GUCY1B1: variants seen among roughly 807,000 people sequenced by gnomAD.
GUCY1B1 encodes guanylate cyclase soluble subunit beta-1.
GUCY1B1 carries 43 observed loss-of-function variants against 71.0 expected under a neutral mutation model. That is an observed-to-expected ratio of 0.61 (90% CI 0.47 to 0.78). The LOEUF (loss-of-function observed/expected upper bound fraction) is 0.78. GUCY1B1 is among the 30% of genes least tolerant of loss of function. The pLI is 0.00. For synonymous variants in GUCY1B1, 266 were observed against 259.7 expected (o/e 1.02, Z -0.23); for missense variants, 535 against 754.1 (o/e 0.71, Z 3.40).
At chr4:155,765,416 G>A (rs1018984139) in intron 2 of GUCY1B1, among the ~76,000 whole-genome samples, 5 of 152,092 alleles carry the variant, frequency 3.3e-5, no homozygotes, top group African/African-American at 1.2e-4. Flanking sequence ...TCTCTCCTTT[G>A]CCTCCTTGTT....
At chr4:155,765,343 A>T (rs1438850275) in intron 2 of GUCY1B1, among the ~76,000 whole-genome samples, 11 of 152,194 alleles carry the variant, frequency 7.2e-5, no homozygotes, top group Admixed American at 7.2e-4. Context: ...GCTATAAAGA[A>T]ATCTAACTGG....
chr4:155,783,720 A>G (rs1738585256), intron 4 of GUCY1B1, among the ~76,000 whole-genome samples: 2 of 152,176 alleles, frequency 1.3e-5, no homozygotes, highest in Non-Finnish European at 2.9e-5. Context: ...GTTTGTGCAA[A>G]GGGTTATTTT....
chr4:155,781,878 A>G (rs1738441929), intron 4 of GUCY1B1, among the ~76,000 whole-genome samples: 1 of 152,090 alleles, frequency 6.6e-6, no homozygotes, highest in South Asian at 2.1e-4. Flanking sequence ...TATCAAAAAG[A>G]GAAAAAGAAG....
In GUCY1B1 at chr4:155,772,828, G is replaced by T. The variant is rs900680203; in HGVS notation, c.78-2140G>T. The T allele has an allele frequency of 4.3e-6, 3 of 696,200 alleles. No individual in the cohort carries two copies. The African/African-American group carries it at 5.3e-5, about 12-fold the overall frequency. 43.1% of individuals were successfully genotyped at this position (696,200 alleles called of 1,614,324 possible). Reference sequence around the variant, plus strand: ...AGATCTCTGTGCTTACAGAAAACATGCTTTTAAAAAAAAAGTTATGAATAA... The same window carrying T: ...AGATCTCTGTGCTTACAGAAAACATTCTTTTAAAAAAAAAGTTATGAATAA... On this transcript the variant is annotated intron_variant, in intron 2 of 13. Transcript: ENST00000264424.
intron 3 of GUCY1B1, among the ~76,000 whole-genome samples, chr4:155,775,343 G>T (rs376367779): frequency 6.6e-6 from 1 of 152,288 alleles, no homozygotes; most frequent in South Asian, 2.1e-4. Context: ...AGGCTGCACT[G>T]CAGTAGTGGC....
In GUCY1B1 at chr4:155,770,202, A is replaced by G. The variant is rs1737604495; in HGVS notation, c.78-4766A>G. 2.0e-5 allele frequency among the ~76,000 whole-genome samples: 3 copies of G among 152,176 alleles called. No homozygotes were observed. The South Asian group carries it at 6.2e-4, about 32-fold the overall frequency. On this transcript the variant is annotated intron_variant, in intron 2 of 13. Transcript: ENST00000264424. The stretch of plus-strand genomic sequence containing the variant: ...ATTAGCTTACTTCCTAACTTTTCTT[A>G]AATTTACTGGTCGCCCTCTGTGACT...
chr4:155,777,056 C>T (rs976478763), intron 3 of GUCY1B1, among the ~76,000 whole-genome samples: 14 of 152,122 alleles, frequency 9.2e-5, no homozygotes, highest in African/African-American at 3.4e-4. Context: ...ATAAAATTCA[C>T]TTATGTTTCA....
intron 2 of GUCY1B1, among the ~76,000 whole-genome samples, chr4:155,760,120 C>T (rs925865834): frequency 2.0e-4 from 31 of 152,152 alleles, no homozygotes; most frequent in African/African-American, 7.2e-4. Flanking sequence ...GCTTCCCGAC[C>T]CGGCCTGAGC....
At chr4:155,783,654 T>C (rs1738582834) in intron 4 of GUCY1B1, among the ~76,000 whole-genome samples, 1 of 152,168 alleles carries the variant, frequency 6.6e-6, no homozygotes, top group Non-Finnish European at 1.5e-5. Flanking sequence ...AAATACAACA[T>C]TGTGATTTGG....
In GUCY1B1 at chr4:155,774,949, T is replaced by C. The variant is rs768070874; in HGVS notation, c.78-19T>C. ...AACTTCAACTTTTCTCTTCTGTCTT[T>C]CTTGTTTTTGTTTTCCAGAAAAGAG... On this transcript the variant is annotated intron_variant, in intron 2 of 13. Coordinates refer to ENST00000264424, the MANE Select transcript of GUCY1B1 (RefSeq NM_000857.5). 5 of 1,283,268 alleles carry C rather than the reference T, an allele frequency of 3.9e-6. No individual in the cohort carries two copies. The African/African-American group carries it at 7.3e-5, about 19-fold the overall frequency. 79.5% of individuals were successfully genotyped at this position (1,283,268 alleles called of 1,614,324 possible).
rs1470486731 is a variant in GUCY1B1 at position 155,800,060 on chromosome 4, G to A, written c.1161G>A (p.Lys387=). The A allele has an allele frequency of 1.1e-5, 17 of 1,607,818 alleles. No homozygotes were observed. The highest frequency in any genetic ancestry group is 1.4e-5 in the Non-Finnish European group (17 of 1,176,154). Reference sequence around the variant, plus strand: ...CGTTAAGAGCCCTGGAAGATGAAAAGAAAAAGACAGACACGTAAGAATGTA... The same window carrying A: ...CGTTAAGAGCCCTGGAAGATGAAAAAAAAAAGACAGACACGTAAGAATGTA... ...QLTLRALEDE[K]KKTDTLLYSV... The change falls in exon 9 of 14, where the codon AAG becomes AAA. Residue 387 remains lysine, a synonymous_variant. Transcript: ENST00000264424.
intron 11 of GUCY1B1, 148 bp from the exon 12 acceptor site, chr4:155,804,445 G>C (rs1740172021): frequency 1.6e-6 from 1 of 616,318 alleles, no homozygotes; most frequent in South Asian, 2.1e-5. Flanking sequence ...TGGGTTGATA[G>C]GTGCAGCAAA....
intron 2 of GUCY1B1, among the ~76,000 whole-genome samples, chr4:155,765,376 A>G (rs1737264340): frequency 6.6e-6 from 1 of 152,208 alleles, no homozygotes; most frequent in Non-Finnish European, 1.5e-5. Context: ...GTGACAGCTC[A>G]GCAGACGTGA....
In GUCY1B1 at chr4:155,793,099, A is replaced by G. The variant is rs139267722; in HGVS notation, c.496-757A>G. Among the ~76,000 whole-genome samples, 17 of 152,140 alleles carry G rather than the reference A, an allele frequency of 1.1e-4. No individual in the cohort carries two copies. The East Asian group carries it at 1.2e-3, about 10-fold the overall frequency. On this transcript the variant is annotated intron_variant, in intron 5 of 13. Transcript: ENST00000264424. Reference sequence around the variant, plus strand: ...TAACTTTTTTTTCTTTTTTTGAGACAGAGTCTCGTTCTGTCGCCCAGGCTG... The same window carrying G: ...TAACTTTTTTTTCTTTTTTTGAGACGGAGTCTCGTTCTGTCGCCCAGGCTG...
chr4:155,779,542 A>C (rs903675228), intron 4 of GUCY1B1, among the ~76,000 whole-genome samples: 8 of 152,232 alleles, frequency 5.3e-5, no homozygotes, highest in African/African-American at 1.9e-4. Flanking sequence ...AGAGTGAAAA[A>C]TGAAGAAACT....
At chr4:155,804,125 A>C (rs1291106726) in intron 11 of GUCY1B1, among the ~76,000 whole-genome samples, 2 of 152,158 alleles carry the variant, frequency 1.3e-5, no homozygotes, top group Non-Finnish European at 2.9e-5. Flanking sequence ...TTCCCTGGGG[A>C]GATAGAGATT....
At chr4:155,782,241 G>C (rs1030883597) in intron 4 of GUCY1B1, among the ~76,000 whole-genome samples, 7 of 151,966 alleles carry the variant, frequency 4.6e-5, no homozygotes, top group African/African-American at 1.7e-4. Context: ...ACACCCAGCT[G>C]ATTTCTTTTT....
chr4:155,806,491 C>A lies in GUCY1B1; in HGVS notation c.*82C>A. ...CGTGCCAAGCCCAGGAGCAGTTCTT[C>A]CCTATGGATACAGATTTTCTTTTGT... On this transcript the variant is annotated 3_prime_UTR_variant, in exon 14 of 14. Transcript: ENST00000264424. 1 of 874,574 alleles carries A rather than the reference C, an allele frequency of 1.1e-6. No homozygotes were observed. Among genetic ancestry groups the A allele is most frequent in the South Asian group, 1.4e-5 (1 of 69,570 alleles). 54.2% of individuals were successfully genotyped at this position (874,574 alleles called of 1,614,324 possible).
intron 9 of GUCY1B1, among the ~76,000 whole-genome samples, chr4:155,801,115 C>T (rs1357509867): frequency 1.3e-5 from 2 of 152,250 alleles, no homozygotes; most frequent in East Asian, 3.9e-4. Context: ...TCAGCTTAAG[C>T]AGAGTATTAG....
Sources: allele counts gnomAD v4.1 joint callset (sites outside exome capture counted in the v4.1 genomes callset), GRCh38; gene constraint gnomAD v4.1.1; transcripts MANE v1.5; gene names NCBI Gene and HGNC (gene_info 2026-07-23, HGNC 2026-07-21).